Variants in AHCTF1 observed in about 807,000 individuals in gnomAD.
AHCTF1 encodes protein ELYS.
AHCTF1 carries 24 observed loss-of-function variants against 248.4 expected under a neutral mutation model. That is an observed-to-expected ratio of 0.10 (90% CI 0.07 to 0.14). The LOEUF is 0.14. AHCTF1 is among the 10% of genes least tolerant of loss of function. The pLI is 1.00. For synonymous variants in AHCTF1, 786 were observed against 929.8 expected, an observed-to-expected ratio of 0.85 and a Z score of 2.81; for missense variants, 2,206 against 2,636.2, an observed-to-expected ratio of 0.84 and a Z score of 3.57.
intron 2 of AHCTF1, among the ~76,000 whole-genome samples, chr1:246,917,640 G>A (rs945563437): frequency 2.6e-5 from 4 of 152,258 alleles, no homozygotes; most frequent in East Asian, 1.9e-4. Flanking sequence ...AGAGAATGGC[G>A]CTGTCAAGAG....
At chr1:246,927,399 G>A (rs1283667898) in intron 1 of AHCTF1, among the ~76,000 whole-genome samples, 1 of 152,164 alleles carries the variant, frequency 6.6e-6, no homozygotes, top group East Asian at 1.9e-4. Flanking sequence ...TGAGGCATGG[G>A]AATCGCTTGA....
intron 2 of AHCTF1, among the ~76,000 whole-genome samples, chr1:246,917,788 G>C (rs551095891): frequency 1.3e-5 from 2 of 152,280 alleles, no homozygotes; most frequent in African/African-American, 4.8e-5. Flanking sequence ...ATGGTTCTCT[G>C]ATGTATTACA....
intron 4 of AHCTF1, among the ~76,000 whole-genome samples, chr1:246,909,935 A>C (rs1179231298): frequency 6.6e-6 from 1 of 152,148 alleles, no homozygotes; most frequent in African/African-American, 2.4e-5. Context: ...GGAGGACAAA[A>C]TTCACCCCCT....
At chr1:246,879,694 G>A (rs1026424297) in intron 21 of AHCTF1, among the ~76,000 whole-genome samples, 2 of 152,010 alleles carry the variant, frequency 1.3e-5, no homozygotes, top group Admixed American at 1.3e-4. Context: ...AAGGCGTGGT[G>A]GTGCATGCCT....
At chr1:246,866,507 C>T (rs1661990051) in intron 26 of AHCTF1, among the ~76,000 whole-genome samples, 1 of 152,168 alleles carries the variant, frequency 6.6e-6, no homozygotes. Flanking sequence ...TTAAACTACA[C>T]TCTGTACTTC....
chr1:246,859,381 T>C (rs1661352253), intron 29 of AHCTF1, among the ~76,000 whole-genome samples: 1 of 152,198 alleles, frequency 6.6e-6, no homozygotes, highest in South Asian at 2.1e-4. Context: ...AGTGTTCCCC[T>C]GGCCCTCTTG....
chr1:246,871,181 T>C (rs1010769015), intron 24 of AHCTF1, among the ~76,000 whole-genome samples: 8 of 152,184 alleles, frequency 5.3e-5, no homozygotes, highest in Non-Finnish European at 1.0e-4. Context: ...CCCCATGTCT[T>C]AGGACAGTGG....
intron 1 of AHCTF1, among the ~76,000 whole-genome samples, chr1:246,920,725 G>C (rs1391360758): frequency 6.8e-6 from 1 of 146,830 alleles, no homozygotes; most frequent in Non-Finnish European, 1.5e-5. Context: ...AGCCGAGATC[G>C]CACCACTGCA....
intron 35 of AHCTF1, among the ~76,000 whole-genome samples, chr1:246,842,267 T>A (rs1417468530): frequency 6.6e-6 from 1 of 151,906 alleles, no homozygotes; most frequent in Non-Finnish European, 1.5e-5. Flanking sequence ...AAATCTAATT[T>A]TGAGAAAAAA....
chr1:246,910,592 T>C (rs765976475), intron 4 of AHCTF1, among the ~76,000 whole-genome samples: 6 of 152,204 alleles, frequency 3.9e-5, no homozygotes, highest in Non-Finnish European at 8.8e-5. Flanking sequence ...AACTCTTGTA[T>C]TCTTCTAACT....
intron 7 of AHCTF1, among the ~76,000 whole-genome samples, chr1:246,903,697 G>C (rs1665175457): frequency 6.7e-6 from 1 of 148,994 alleles, no homozygotes; most frequent in Non-Finnish European, 1.5e-5. Context: ...AAATTAGCCA[G>C]GCGTGGTGGC....
rs560622113 is a variant in AHCTF1, at chr1:246,882,001, T to G, written c.2660+3492A>C. ...GGCCTTTATTATTATTACTTTTTTT[T>G]TTGTTTTTTTTTTTGAGATGGAGTC... On this transcript the variant is annotated intron_variant, in intron 21 of 35. Coordinates refer to ENST00000648844, the MANE Select transcript of AHCTF1 (RefSeq NM_001323342.2). Among the ~76,000 whole-genome samples, 49 of 137,884 alleles carry G rather than the reference T, an allele frequency of 3.6e-4. 1 individual carries two copies. The highest frequency in any genetic ancestry group is 7.2e-4 in the South Asian group (3 of 4,168). The allele number at this position is 137,884 out of a possible 152,430, so 90.5% of individuals were successfully genotyped here. A position where few individuals can be genotyped will look rare whatever the true frequency, so the allele number is the denominator to read the frequency against.
chr1:246,925,607 G>A (rs1295707841), intron 1 of AHCTF1, among the ~76,000 whole-genome samples: 1 of 152,080 alleles, frequency 6.6e-6, no homozygotes, highest in Non-Finnish European at 1.5e-5. Context: ...GCAAGATCCT[G>A]TTTCTAAAAA....
chr1:246,843,960 C>A (rs1660064397), intron 33 of AHCTF1, 32 bp from the exon 34 acceptor site: 2 of 1,346,998 alleles, frequency 1.5e-6, no homozygotes, highest in Non-Finnish European at 9.7e-7. Flanking sequence ...GTATCTGTAT[C>A]TTTATATATG....
At chr1:246,869,327 C>T (rs911890693) in intron 24 of AHCTF1, among the ~76,000 whole-genome samples, 3 of 152,162 alleles carry the variant, frequency 2.0e-5, no homozygotes, top group Non-Finnish European at 4.4e-5. Flanking sequence ...CAACTAATAA[C>T]CCTACAAAGA....
At chr1:246,895,773 A>G (rs1219416352) in intron 13 of AHCTF1, 62 bp downstream of exon 13, 10 of 1,341,768 alleles carry the variant, frequency 7.5e-6, no homozygotes, top group Non-Finnish European at 1.0e-5. Context: ...AAAAAAATAT[A>G]ACAAATAGCA....
intron 5 of AHCTF1, among the ~76,000 whole-genome samples, chr1:246,906,952 T>C (rs1312919768): frequency 6.6e-6 from 1 of 152,224 alleles, no homozygotes; most frequent in Non-Finnish European, 1.5e-5. Context: ...GAACTCATAT[T>C]ATACAAACAC....
chr1:246,857,077 A>C (rs1236696908), intron 30 of AHCTF1, among the ~76,000 whole-genome samples: 1 of 152,212 alleles, frequency 6.6e-6, no homozygotes, highest in Non-Finnish European at 1.5e-5. Flanking sequence ...TTGCTTCACT[A>C]ATCATACTGA....
Position 246,904,029 on chromosome 1 carries a change from C to A in AHCTF1, c.886G>T (p.Gly296Trp). Residue 296 changes from glycine to tryptophan, a missense_variant, in exon 7 of 36, where the codon GGG becomes TGG. By Grantham distance (184) the Gly-to-Trp change is radical (BLOSUM62 -2). This residue lies in a region of AHCTF1 where 650 missense variants were observed against 870.8 expected (regional missense o/e 0.75). Coordinates refer to ENST00000648844, the MANE Select transcript of AHCTF1 (RefSeq NM_001323342.2). ...WAVQSTQDSE[G>W]DVLSLHLLQL... ...AGCAGATGCAAACTCAAAACATCCC[C>A]TTCACTGAAACAGAAATTAACGAAG... 6.2e-7 allele frequency: 1 copy of A among 1,613,750 alleles called. No individual in the cohort carries two copies. The highest frequency in any genetic ancestry group is 1.1e-5 in the South Asian group (1 of 91,066).
Sources: allele counts gnomAD v4.1 joint callset (sites outside exome capture counted in the v4.1 genomes callset), GRCh38; gene constraint gnomAD v4.1.1; regional missense constraint gnomAD v4.1.1; transcripts MANE v1.5; gene names NCBI Gene and HGNC (gene_info 2026-07-23, HGNC 2026-07-21).